Variants in MAST4 observed in about 807,000 individuals in gnomAD.
MAST4 encodes the protein microtubule-associated serine/threonine-protein kinase 4.
A neutral mutation model predicts 162.7 loss-of-function variants in MAST4; 89 were observed. That is an observed-to-expected ratio of 0.55 (90% CI 0.46 to 0.65). MAST4 has a LOEUF of 0.65. Among genes scored for constraint, MAST4 ranks in the 30% least tolerant of loss-of-function variants. The pLI is 0.00. For missense variants in MAST4, 3,153 were observed against 3,374.0 expected (o/e 0.93, Z 1.62); for synonymous variants, 1,479 against 1,361.1 (o/e 1.09, Z -1.91).
chr5:67,026,478 A>G (rs543682436), intron 4 of MAST4, among the ~76,000 whole-genome samples: 22 of 152,306 alleles, frequency 1.4e-4, no homozygotes, highest in African/African-American at 4.1e-4. Flanking sequence ...TGATTTGTCT[A>G]TCTGCTGGTG....
intron 5 of MAST4, among the ~76,000 whole-genome samples, chr5:67,086,053 G>T (rs1210734405): frequency 6.6e-6 from 1 of 152,154 alleles, no homozygotes; most frequent in African/African-American, 2.4e-5. Context: ...CAACAAAGCA[G>T]TAAGAAACAC....
At chr5:67,111,375 T>G (rs1766221582) in intron 11 of MAST4, among the ~76,000 whole-genome samples, 1 of 152,202 alleles carries the variant, frequency 6.6e-6, no homozygotes, top group Non-Finnish European at 1.5e-5. Context: ...CGCAGCACCA[T>G]AAATACGTAC....
At chr5:66,700,716 C>A (rs946766770) in intron 1 of MAST4, among the ~76,000 whole-genome samples, 28 of 150,102 alleles carry the variant, frequency 1.9e-4, no homozygotes, top group African/African-American at 6.6e-4. Flanking sequence ...ACAAAAAAAA[C>A]AACAACTGAC....
intron 1 of MAST4, among the ~76,000 whole-genome samples, chr5:66,645,069 G>A (rs974529105): frequency 2.6e-5 from 4 of 152,070 alleles, no homozygotes; most frequent in African/African-American, 7.2e-5. Flanking sequence ...AGTGTTGAGC[G>A]TGTGTCTGTT....
At chr5:66,768,853 A>G (rs1193494274) in intron 2 of MAST4, among the ~76,000 whole-genome samples, 1 of 152,172 alleles carries the variant, frequency 6.6e-6, no homozygotes, top group Non-Finnish European at 1.5e-5. Context: ...TCAAAATGAG[A>G]TAATTTTAAA....
chr5:67,074,944 C>T (rs1178324026), intron 5 of MAST4, among the ~76,000 whole-genome samples: 1 of 152,010 alleles, frequency 6.6e-6, no homozygotes, highest in Middle Eastern at 3.4e-3. Flanking sequence ...TTGCTTTCAC[C>T]CTCACCATCT....
chr5:66,673,516 G>GTTTTTTTTT (rs1422436456), intron 1 of MAST4, among the ~76,000 whole-genome samples: 2 of 134,784 alleles, frequency 1.5e-5, no homozygotes, highest in East Asian at 2.1e-4. Flanking sequence ...AGTTTTTTTT[G>GTTTTTTTTT]TTTTTTGTTT....
intron 3 of MAST4, among the ~76,000 whole-genome samples, chr5:66,794,202 T>A (rs1330247911): frequency 6.6e-6 from 1 of 152,224 alleles, no homozygotes; most frequent in Non-Finnish European, 1.5e-5. Context: ...AATTAAGCTG[T>A]AATCATTCAG....
chr5:67,119,740 A>G (rs1767351594), intron 13 of MAST4, among the ~76,000 whole-genome samples: 4 of 152,190 alleles, frequency 2.6e-5, no homozygotes, highest in African/African-American at 7.2e-5. Flanking sequence ...GCAACTGTAT[A>G]TAAGGTCTGA....
At chr5:67,122,974 A>G (rs1767762478) in intron 14 of MAST4, among the ~76,000 whole-genome samples, 1 of 152,250 alleles carries the variant, frequency 6.6e-6, no homozygotes, top group East Asian at 1.9e-4. Context: ...TCTCAGATTT[A>G]ATCTCTCATT....
chr5:66,797,921 C>G (rs1755729890), intron 3 of MAST4, among the ~76,000 whole-genome samples: 1 of 152,158 alleles, frequency 6.6e-6, no homozygotes, highest in African/African-American at 2.4e-5. Flanking sequence ...CCTGAAAACT[C>G]AGAGGCTCAT....
At chr5:66,950,811 G>A (rs967788860) in intron 4 of MAST4, among the ~76,000 whole-genome samples, 1 of 152,096 alleles carries the variant, frequency 6.6e-6, no homozygotes, top group Non-Finnish European at 1.5e-5. Flanking sequence ...AAGTGGAATT[G>A]CCAGATCATA....
intron 5 of MAST4, among the ~76,000 whole-genome samples, chr5:67,063,945 A>G (rs1759935422): frequency 6.6e-6 from 1 of 152,214 alleles, no homozygotes; most frequent in East Asian, 1.9e-4. Flanking sequence ...AAGAAACGAG[A>G]AAAATGAATC....
chr5:67,160,307 A>G lies in MAST4; in HGVS notation c.3649-149A>G. 6 of 802,202 alleles carry G rather than the reference A, an allele frequency of 7.5e-6. No homozygotes were observed. The South Asian group carries it at 1.8e-4, about 23-fold the overall frequency. 49.7% of individuals were successfully genotyped at this position (802,202 alleles called of 1,614,324 possible). ...TCCACCCAGTTTGTATTCTGGCAGG[A>G]CTTCTTTGATTGAAGGGTTATTTAG... On this transcript the variant is annotated intron_variant, in intron 26 of 28. Coordinates refer to ENST00000403625, the MANE Select transcript of MAST4 (RefSeq NM_001164664.2).
intron 5 of MAST4, among the ~76,000 whole-genome samples, chr5:67,082,115 G>A (rs1762724429): frequency 6.6e-6 from 1 of 150,932 alleles, no homozygotes; most frequent in Admixed American, 6.6e-5. Flanking sequence ...AACCCAAATT[G>A]AGGGACATTC....
At chr5:66,941,998 G>A (rs1469892132) in intron 4 of MAST4, among the ~76,000 whole-genome samples, 3 of 151,914 alleles carry the variant, frequency 2.0e-5, no homozygotes, top group Non-Finnish European at 4.4e-5. Context: ...CCAAAACAGT[G>A]ATAAAAATAA....
chr5:67,047,603 C>A (rs149668148), intron 4 of MAST4, among the ~76,000 whole-genome samples: 3 of 152,300 alleles, frequency 2.0e-5, no homozygotes, highest in African/African-American at 7.2e-5. Context: ...TTGTTATGTT[C>A]ATTTTCTGCT....
intron 4 of MAST4, among the ~76,000 whole-genome samples, chr5:66,928,084 T>G (rs186312861): frequency 1.3e-5 from 2 of 152,318 alleles, no homozygotes; most frequent in Admixed American, 1.3e-4. Context: ...CATCTGACCT[T>G]GATCATCAGC....
intron 3 of MAST4, among the ~76,000 whole-genome samples, chr5:66,811,305 T>C (rs1756463766): frequency 6.6e-6 from 1 of 152,216 alleles, no homozygotes; most frequent in Non-Finnish European, 1.5e-5. Context: ...AGGTAATATA[T>C]TACTCTGCAA....
Sources: allele counts gnomAD v4.1 joint callset (sites outside exome capture counted in the v4.1 genomes callset), GRCh38; gene constraint gnomAD v4.1.1; transcripts MANE v1.5; gene names NCBI Gene and HGNC (gene_info 2026-07-23, HGNC 2026-07-21).